NREP: variants seen among roughly 807,000 people sequenced by gnomAD.
NREP encodes neuronal regeneration related protein.
NREP carries 5 observed loss-of-function variants against 8.6 expected under a neutral mutation model. The observed-to-expected ratio is 0.58, with a 90% CI of 0.30 to 1.22. The LOEUF is 1.22. Among genes scored for constraint, NREP ranks in the 50% most tolerant of loss-of-function variants. The pLI is 0.07. For synonymous variants in NREP, 27 were observed against 28.0 expected, an observed-to-expected ratio of 0.96 and a Z score of 0.11; for missense variants, 86 against 82.5, an observed-to-expected ratio of 1.04 and a Z score of -0.17.
In NREP at chr5:111,883,415, G is replaced by A. The variant is rs1047389655; in HGVS notation, c.135+91859C>T. Among the ~76,000 whole-genome samples the A allele has an allele frequency of 3.3e-5, 5 of 151,612 alleles. No homozygotes were observed. The South Asian group carries it at 6.3e-4, about 19-fold the overall frequency. On this transcript the variant is annotated intron_variant, in intron 2 of 3. Coordinates refer to the NREP transcript ENST00000395634. Reference sequence around the variant, plus strand: ...CACTGTCAACATTAGACAGATCAACGAGACAGAAAGTTAACAAGGATACCC... The same window carrying A: ...CACTGTCAACATTAGACAGATCAACAAGACAGAAAGTTAACAAGGATACCC...
chr5:111,820,598 A>G (rs1752494154), intron 2 of NREP, among the ~76,000 whole-genome samples: 1 of 152,128 alleles, frequency 6.6e-6, no homozygotes. Context: ...AAAGAGACAA[A>G]ACTGGGACAT....
chr5:111,880,928 T>G (rs1488913303), intron 2 of NREP, among the ~76,000 whole-genome samples: 2 of 152,060 alleles, frequency 1.3e-5, no homozygotes, highest in African/African-American at 4.8e-5. Flanking sequence ...TGCATTTCCA[T>G]CTGAGGTACC....
At chr5:111,872,377 C>G (rs1253136164) in intron 2 of NREP, among the ~76,000 whole-genome samples, 1 of 152,198 alleles carries the variant, frequency 6.6e-6, no homozygotes, top group African/African-American at 2.4e-5. Flanking sequence ...ACCTACTTTA[C>G]TCAGTCCACT....
chr5:111,890,101 C>T (rs1046826738), intron 2 of NREP, among the ~76,000 whole-genome samples: 3 of 152,084 alleles, frequency 2.0e-5, no homozygotes, highest in African/African-American at 7.2e-5. Context: ...GCTCAGAGAC[C>T]CGACAGGTAC....
intron 2 of NREP, among the ~76,000 whole-genome samples, chr5:111,944,009 T>C (rs2112621395): frequency 6.6e-6 from 1 of 152,240 alleles, no homozygotes; most frequent in African/African-American, 2.4e-5. Flanking sequence ...CTGATGAATA[T>C]TCAAATTTGT....
chr5:111,766,149 T>A (rs892943875), intron 2 of NREP, among the ~76,000 whole-genome samples: 4 of 152,220 alleles, frequency 2.6e-5, no homozygotes, highest in Non-Finnish European at 4.4e-5. Context: ...GCCTTTTCAT[T>A]CTAAATTACA....
At chr5:111,799,435 T>A (rs902273866) in intron 2 of NREP, among the ~76,000 whole-genome samples, 5 of 152,240 alleles carry the variant, frequency 3.3e-5, no homozygotes, top group African/African-American at 1.2e-4. Context: ...AATTTGACAT[T>A]ATCATTGTTA....
intron 2 of NREP, among the ~76,000 whole-genome samples, chr5:111,752,923 C>T (rs781579207): frequency 2.6e-5 from 4 of 152,086 alleles, no homozygotes; most frequent in Non-Finnish European, 5.9e-5. Context: ...TTCTCATTAA[C>T]TTATCCAAAG....
At chr5:111,758,401 G>C (rs1750867396), upstream of NREP, among the ~76,000 whole-genome samples, 1 of 152,198 alleles carries the variant, frequency 6.6e-6, no homozygotes, top group African/African-American at 2.4e-5. Flanking sequence ...AAAGTGCTTT[G>C]CCATTTCTGA....
At chr5:111,819,425 G>A (rs1752467137) in intron 2 of NREP, among the ~76,000 whole-genome samples, 1 of 152,124 alleles carries the variant, frequency 6.6e-6, no homozygotes. Context: ...TTGTCCAGGT[G>A]TGTTCCCGCC....
chr5:111,973,881 G>T (rs1756889507), intron 2 of NREP, among the ~76,000 whole-genome samples: 1 of 152,140 alleles, frequency 6.6e-6, no homozygotes, highest in South Asian at 2.1e-4. Flanking sequence ...CAAGTTACCT[G>T]GTTTAATGCT....
intron 2 of NREP, among the ~76,000 whole-genome samples, chr5:111,856,732 ATT>A (rs531248705): frequency 6.8e-5 from 10 of 146,812 alleles, no homozygotes; most frequent in African/African-American, 2.5e-4. Context: ...TGATACGAAG[ATT>A]TTTTTTTTTT....
chr5:111,859,165 T>C (rs1753491264), intron 2 of NREP, among the ~76,000 whole-genome samples: 1 of 152,130 alleles, frequency 6.6e-6, no homozygotes, highest in Non-Finnish European at 1.5e-5. Context: ...AATTATAGCT[T>C]ACACAGCTAG....
intron 2 of NREP, among the ~76,000 whole-genome samples, chr5:111,843,721 C>G (rs1325611901): frequency 1.3e-5 from 2 of 152,212 alleles, no homozygotes; most frequent in Non-Finnish European, 2.9e-5. Flanking sequence ...AGCCCTTTAC[C>G]AGTCAGCCCA....
intron 2 of NREP, among the ~76,000 whole-genome samples, chr5:111,833,701 A>G (rs1399612748): frequency 6.6e-6 from 1 of 152,184 alleles, no homozygotes; most frequent in Non-Finnish European, 1.5e-5. Flanking sequence ...AGACTACTTG[A>G]ACAGATTTGG....
chr5:111,864,964 G>A lies in NREP; in HGVS notation c.135+110310C>T, dbSNP rs192665609. On this transcript the variant is annotated intron_variant, in intron 2 of 3. Transcript: ENST00000395634. ...TGCTCAGTTATCTTAGCTATTCAAA[G>A]GGGAAGTTGATAAAGTAAACTTTTT... 1.8e-3 allele frequency among the ~76,000 whole-genome samples: 268 copies of A among 152,230 alleles called. 1 individual carries two copies. Among genetic ancestry groups the A allele is most frequent in the Non-Finnish European group, 2.9e-3 (197 of 67,986 alleles).
chr5:111,869,442 A>G (rs567089316), intron 2 of NREP, among the ~76,000 whole-genome samples: 5 of 152,152 alleles, frequency 3.3e-5, no homozygotes, highest in Non-Finnish European at 5.9e-5. Flanking sequence ...CTAAAACCCA[A>G]TCGTACAGCT....
intron 2 of NREP, among the ~76,000 whole-genome samples, chr5:111,796,935 G>GT (rs1751885254): frequency 6.6e-6 from 1 of 152,144 alleles, no homozygotes; most frequent in South Asian, 2.1e-4. Context: ...TGTCCCTGAT[G>GT]TAAAATTTGA....
intron 2 of NREP, among the ~76,000 whole-genome samples, chr5:111,786,824 C>T (rs1268275874): frequency 6.6e-6 from 1 of 152,050 alleles, no homozygotes; most frequent in Non-Finnish European, 1.5e-5. Flanking sequence ...TTTTGTATAT[C>T]GAAGTGGCAG....
Sources: gnomAD v4.1 joint callset for allele counts (sites outside exome capture counted in the v4.1 genomes callset) on GRCh38, gnomAD v4.1.1 for gene constraint, MANE v1.5 for transcripts, NCBI Gene and HGNC (gene_info 2026-07-23, HGNC 2026-07-21) for gene names.